Variants in TRMT61B observed in about 807,000 individuals in gnomAD.
TRMT61B encodes tRNA (adenine(58)-N(1))-methyltransferase, mitochondrial.
TRMT61B carries 56 observed loss-of-function variants against 52.0 expected under a neutral mutation model. That is an observed-to-expected ratio of 1.08 (90% confidence interval 0.87 to 1.35). TRMT61B has a LOEUF of 1.35. TRMT61B is among the 40% of genes most tolerant of loss of function. TRMT61B has a pLI of 0.00. For synonymous variants in TRMT61B, 206 were observed against 220.0 expected (o/e 0.94, Z 0.56); for missense variants, 650 against 577.9 (o/e 1.12, Z -1.28).
intron 2 of TRMT61B, among the ~76,000 whole-genome samples, chr2:28,864,765 A>G (rs142005650): frequency 3.9e-5 from 6 of 152,348 alleles, no homozygotes; most frequent in African/African-American, 1.4e-4. Context: ...AAGTATACTT[A>G]AGAAAAAAGA....
At chr2:28,867,701 G>C (rs1397017081) in intron 1 of TRMT61B, among the ~76,000 whole-genome samples, 1 of 152,202 alleles carries the variant, frequency 6.6e-6, no homozygotes, top group African/African-American at 2.4e-5. Flanking sequence ...TTGTCTAATG[G>C]GGAGAAAGGA....
rs1315983607 is a variant in TRMT61B at position 28,850,089 on chromosome 2, A to C, written c.*110T>G. ...TCAAAATTATATGTATAAGTTATAT[A>C]AGTCATAGTAATAGCTAAAAATGCC... On this transcript the variant is annotated 3_prime_UTR_variant, in exon 7 of 7. Transcript: ENST00000306108. The C allele has an allele frequency of 1.3e-5, 15 of 1,180,520 alleles. No individual in the cohort carries two copies. In the African/African-American group the frequency reaches 2.3e-4, roughly 18 times the overall value. The allele number at this position is 1,180,520 out of a possible 1,614,324, so 73.1% of individuals were successfully genotyped here.
chr2:28,859,116 G>A (rs1669484585), intron 3 of TRMT61B, among the ~76,000 whole-genome samples: 1 of 151,652 alleles, frequency 6.6e-6, no homozygotes, highest in African/African-American at 2.4e-5. Flanking sequence ...GTCTCGCTCT[G>A]TCACCCAGGC....
intron 5 of TRMT61B, 75 bp from the exon 6 acceptor site, chr2:28,850,480 G>T: frequency 2.1e-6 from 2 of 971,520 alleles, no homozygotes; most frequent in Non-Finnish European, 1.5e-6. Context: ...GTTAAAATAT[G>T]AGTTACTCTC....
intron 4 of TRMT61B, 68 bp from the exon 5 acceptor site, chr2:28,851,366 T>C (rs980013416): frequency 9.2e-7 from 1 of 1,085,866 alleles, no homozygotes; most frequent in East Asian, 2.6e-5. Flanking sequence ...AAGTTCCCTA[T>C]ACCTCTTGCC....
At chr2:28,859,983 T>G (rs58713049) in intron 3 of TRMT61B, among the ~76,000 whole-genome samples, 1 of 152,014 alleles carries the variant, frequency 6.6e-6, no homozygotes, top group African/African-American at 2.4e-5. Context: ...ATAAAAATCA[T>G]TTTCATGGCC....
chr2:28,859,180 C>T (rs544992500), intron 3 of TRMT61B, among the ~76,000 whole-genome samples: 2 of 152,054 alleles, frequency 1.3e-5, no homozygotes, highest in African/African-American at 2.4e-5. Context: ...CCCGGGTTCA[C>T]GCCATTCTCC....
intron 3 of TRMT61B, among the ~76,000 whole-genome samples, chr2:28,853,917 A>G (rs1669231827): frequency 6.6e-6 from 1 of 152,216 alleles, no homozygotes; most frequent in Non-Finnish European, 1.5e-5. Context: ...AGAAGATGCC[A>G]GTAAGTACAA....
chr2:28,851,021 GA>G, intron 5 of TRMT61B, 50 bp downstream of exon 5: 2 of 1,194,966 alleles, frequency 1.7e-6, no homozygotes, highest in South Asian at 2.9e-5. Flanking sequence ...GTATACTCAG[GA>G]ACTCATTCTC....
At chr2:28,852,373 GT>G in intron 4 of TRMT61B, 34 bp downstream of exon 4, 1 of 1,055,306 alleles carries the variant, frequency 9.5e-7, no homozygotes, top group Non-Finnish European at 1.4e-6. Context: ...GCACTTAAAA[GT>G]TACATTACAA....
chr2:28,861,354 T>C (rs1669592243), intron 2 of TRMT61B, 46 bp from the exon 3 acceptor site: 6 of 1,431,148 alleles, frequency 4.2e-6, no homozygotes, highest in Non-Finnish European at 5.6e-6. Context: ...AATCAGTTTA[T>C]TAAAAAGTGT....
chr2:28,861,504 TACC>T, intron 2 of TRMT61B, 196 bp from the exon 3 acceptor site: 4 of 534,292 alleles, frequency 7.5e-6, no homozygotes, highest in South Asian at 2.6e-5. Context: ...ACCAGCTATT[TACC>T]TTTCCCATGA....
chr2:28,870,162 C>A lies in TRMT61B; in HGVS notation c.116G>T (p.Cys39Phe), dbSNP rs1339532893. 2 of 1,613,808 alleles carry A rather than the reference C, an allele frequency of 1.2e-6. No individual in the cohort carries two copies. The highest frequency in any genetic ancestry group is 2.2e-5 in the South Asian group (2 of 91,086). Residue 39 changes from cysteine (C) to phenylalanine (F), a missense_variant, in exon 1 of 7, where the codon TGT becomes TTT. Transcript: ENST00000306108. ...QEPFEGARSL[C>F]CRSSPRDLRD... is the part of the protein sequence containing the mutation. The stretch of plus-strand genomic sequence containing the variant: ...CAGGTCTCTAGGCGAGGACCTGCAA[C>A]ACAGTGACCGAGCTCCCTCGAAGGG...
At chr2:28,850,488 C>A in intron 5 of TRMT61B, 83 bp from the exon 6 acceptor site, 1 of 903,108 alleles carries the variant, frequency 1.1e-6, no homozygotes, top group South Asian at 1.7e-5. Context: ...ATGAGTTACT[C>A]TCTTTATTGT....
chr2:28,869,427 A>G lies in TRMT61B; in HGVS notation c.699+152T>C, dbSNP rs1347766738. On this transcript the variant is annotated intron_variant, in intron 1 of 6. Coordinates refer to ENST00000306108, the MANE Select transcript of TRMT61B (RefSeq NM_017910.4). The stretch of plus-strand genomic sequence containing the variant: ...ATGCTAATTTTCATCATGATATGTA[A>G]AAGTTATAACCATTGGTTTATTTTA... 28 of 579,962 alleles carry G rather than the reference A, an allele frequency of 4.8e-5. No individual in the cohort carries two copies. In the East Asian group the frequency reaches 7.9e-4, roughly 16 times the overall value. The allele number at this position is 579,962 out of a possible 1,614,324, so 35.9% of individuals were successfully genotyped here. A position where few individuals can be genotyped will look rare whatever the true frequency, so the allele number is the denominator to read the frequency against.
intron 1 of TRMT61B, among the ~76,000 whole-genome samples, chr2:28,865,964 A>G (rs1032636306): frequency 6.6e-6 from 1 of 150,724 alleles, no homozygotes; most frequent in Admixed American, 6.6e-5. Context: ...TACAGGTGTG[A>G]GCCAGTGTGC....
chr2:28,868,260 A>G (rs190428743), intron 1 of TRMT61B, among the ~76,000 whole-genome samples: 3 of 152,212 alleles, frequency 2.0e-5, no homozygotes, highest in Admixed American at 2.0e-4. Context: ...ACTCTGCAGC[A>G]TTCCTCCCTT....
In TRMT61B at chr2:28,853,045, ATTGAT is replaced by A. The variant is rs543532087; in HGVS notation, c.994-551_994-547del. Among the ~76,000 whole-genome samples, 5 of 152,316 alleles carry A rather than the reference ATTGAT, an allele frequency of 3.3e-5. No individual in the cohort carries two copies. In the East Asian group the frequency reaches 9.6e-4, roughly 29 times the overall value. Reference sequence around the variant, plus strand: ...GTACTTTGCATATTAATATGGAAATATTGATTTGGCTATGTATGTATATATGAATA... The same window carrying A: ...GTACTTTGCATATTAATATGGAAATATTGGCTATGTATGTATATATGAATA... On this transcript the variant is annotated intron_variant, in intron 3 of 6. Transcript: ENST00000306108.
intron 2 of TRMT61B, 44 bp from the exon 3 acceptor site, chr2:28,861,352 T>C: frequency 2.1e-6 from 3 of 1,437,070 alleles, no homozygotes; most frequent in Middle Eastern, 1.8e-4. Flanking sequence ...TTAATCAGTT[T>C]ATTAAAAAGT....
Sources: gnomAD v4.1 joint callset for allele counts (sites outside exome capture counted in the v4.1 genomes callset) on GRCh38, gnomAD v4.1.1 for gene constraint, MANE v1.5 for transcripts, NCBI Gene and HGNC (gene_info 2026-07-23, HGNC 2026-07-21) for gene names.